The following KDELR2 variants were observed in gnomAD, a reference collection of about 807,000 sequenced individuals.
KDELR2 encodes KDEL endoplasmic reticulum protein retention receptor 2, also known as ER lumen protein-retaining receptor 2.
KDELR2 carries 15 observed loss-of-function variants against 23.9 expected under a neutral mutation model. That is an observed-to-expected ratio of 0.63 (90% CI 0.42 to 0.97). KDELR2 has a LOEUF of 0.97. Among genes scored for constraint, KDELR2 ranks in the 50% least tolerant of loss-of-function variants. KDELR2 has a pLI of 0.00. For missense variants in KDELR2, 272 were observed against 254.6 expected, an observed-to-expected ratio of 1.07 and a Z score of -0.46; for synonymous variants, 119 against 106.2, an observed-to-expected ratio of 1.12 and a Z score of -0.74.
intron 1 of KDELR2, among the ~76,000 whole-genome samples, chr7:6,482,786 T>C (rs1432166652): frequency 6.6e-6 from 1 of 150,758 alleles, no homozygotes; most frequent in Non-Finnish European, 1.5e-5. Flanking sequence ...TTTAAGAAAG[T>C]TAAAGCCTGG....
chr7:6,472,385 G>C (rs1039268768), intron 2 of KDELR2, among the ~76,000 whole-genome samples: 1 of 152,128 alleles, frequency 6.6e-6, no homozygotes, highest in African/African-American at 2.4e-5. Flanking sequence ...AAAGACACGA[G>C]CACCTCGGGT....
chr7:6,473,090 T>A (rs1433403254), intron 2 of KDELR2, among the ~76,000 whole-genome samples: 6 of 144,042 alleles, frequency 4.2e-5, no homozygotes, highest in South Asian at 2.3e-4. Flanking sequence ...GTATTTTTTT[T>A]TTTTTTTTTT....
At chr7:6,469,427 T>C (rs1339153463) in intron 3 of KDELR2, among the ~76,000 whole-genome samples, 169 bp downstream of exon 3, 1 of 152,146 alleles carries the variant, frequency 6.6e-6, no homozygotes, top group Non-Finnish European at 1.5e-5. Context: ...AGCTAATTTT[T>C]TGTATTTTTA....
chr7:6,481,136 C>T (rs368665927), intron 1 of KDELR2, among the ~76,000 whole-genome samples: 3 of 152,180 alleles, frequency 2.0e-5, no homozygotes, highest in East Asian at 1.9e-4. Flanking sequence ...TTTGTGAGGC[C>T]GAAGCGGGCG....
chr7:6,483,075 A>C (rs1471320334), intron 1 of KDELR2, among the ~76,000 whole-genome samples: 1 of 152,138 alleles, frequency 6.6e-6, no homozygotes, highest in East Asian at 1.9e-4. Flanking sequence ...TAAAAGTCCA[A>C]AACTATTATC....
At chr7:6,470,022 C>A in intron 2 of KDELR2, 1 of 289,706 alleles carries the variant, frequency 3.5e-6, no homozygotes, top group Non-Finnish European at 6.4e-6. Flanking sequence ...CTCCCCCAGG[C>A]TTCCTTCACC....
At chr7:6,465,013 G>A (rs1268683081) in intron 4 of KDELR2, among the ~76,000 whole-genome samples, 1 of 151,756 alleles carries the variant, frequency 6.6e-6, no homozygotes, top group Non-Finnish European at 1.5e-5. Flanking sequence ...TGAGATTATA[G>A]GCGTGAGCCA....
At chr7:6,467,285 C>G (rs1249144186) in intron 3 of KDELR2, among the ~76,000 whole-genome samples, 1 of 152,222 alleles carries the variant, frequency 6.6e-6, no homozygotes, top group African/African-American at 2.4e-5. Context: ...TTTTTCCTCA[C>G]TGACTGATCT....
intron 2 of KDELR2, among the ~76,000 whole-genome samples, chr7:6,473,082 ATTTTTTTTTT>A (rs1206035683): frequency 1.6e-4 from 15 of 94,860 alleles, no homozygotes; most frequent in African/African-American, 6.5e-4. Context: ...TAATTTTTGT[ATTTTTTTTTT>A]TTTTTTTTTT....
At position 6,474,214 on chromosome 7, in the gene KDELR2, T is replaced by C. The variant is rs1332234151; in HGVS notation, c.162A>G (p.Ser54=). The change falls in exon 2 of 5, where the codon TCA becomes TCG. Residue 54 remains serine, a synonymous_variant. Transcript: ENST00000258739. ...TAGATGTGTTATACAATGAAATAAA[T>C]GAAGTAAAAAGATCCAGGTAACGAG... ...FTTRYLDLFT[S]FISLYNTSMK... is the part of the protein sequence containing the mutation. The C allele has an allele frequency of 1.2e-6, 2 of 1,613,126 alleles. No individual in the cohort carries two copies. The highest frequency in any genetic ancestry group is 2.2e-5 in the East Asian group (1 of 44,886).
rs1358733569 is a variant in KDELR2 at position 6,462,354 on chromosome 7, A to C, written c.*787T>G. 6.6e-6 allele frequency: 1 copy of C among 152,524 alleles called. No homozygotes were observed. 9.4% of individuals were successfully genotyped at this position (152,524 alleles called of 1,614,324 possible). A position where few individuals can be genotyped will look rare whatever the true frequency, so the allele number is the denominator to read the frequency against. Reference sequence around the variant, plus strand: ...AGTAGATTGCTATATCCAAATGATCATGAACACCCCTCCCATCCCACACTC... The same window carrying C: ...AGTAGATTGCTATATCCAAATGATCCTGAACACCCCTCCCATCCCACACTC... On this transcript the variant is annotated 3_prime_UTR_variant, in exon 5 of 5. Transcript: ENST00000258739.
intron 2 of KDELR2, among the ~76,000 whole-genome samples, chr7:6,473,123 A>G (rs1029588571): frequency 2.6e-5 from 3 of 115,694 alleles, no homozygotes; most frequent in African/African-American, 3.5e-5. Context: ...GGGTCTAACT[A>G]TGTTGCTCAG....
intron 4 of KDELR2, among the ~76,000 whole-genome samples, chr7:6,464,689 A>T (rs1785462777): frequency 1.3e-5 from 2 of 151,756 alleles, no homozygotes; most frequent in African/African-American, 4.8e-5. Flanking sequence ...CTCGGTCTCA[A>T]AAAAAACAAA....
intron 2 of KDELR2, chr7:6,470,246 TG>T (rs1186646049): frequency 6.6e-6 from 1 of 152,336 alleles, no homozygotes; most frequent in East Asian, 1.9e-4. Context: ...GGTTCCCGGC[TG>T]GGGCCGCCAT....
intron 4 of KDELR2, among the ~76,000 whole-genome samples, chr7:6,464,539 A>G (rs1194576664): frequency 6.6e-6 from 1 of 151,818 alleles, no homozygotes; most frequent in East Asian, 1.9e-4. Context: ...AAAACAAAAC[A>G]AAATTAGCCA....
At chr7:6,465,328 C>T (rs1223293383) in intron 4 of KDELR2, among the ~76,000 whole-genome samples, 1 of 151,716 alleles carries the variant, frequency 6.6e-6, no homozygotes, top group Non-Finnish European at 1.5e-5. Context: ...GGACTACAGG[C>T]GCCCACCACC....
At chr7:6,468,967 TGA>T (rs2115325420) in intron 3 of KDELR2, among the ~76,000 whole-genome samples, 1 of 151,440 alleles carries the variant, frequency 6.6e-6, no homozygotes, top group East Asian at 2.0e-4. Flanking sequence ...TTTTTTTTTT[TGA>T]GAGACGGAGT....
chr7:6,480,262 G>C (rs1562503235), intron 1 of KDELR2, among the ~76,000 whole-genome samples: 1 of 152,196 alleles, frequency 6.6e-6, no homozygotes, highest in Non-Finnish European at 1.5e-5. Flanking sequence ...ATAACCATTG[G>C]CCTACAGGAA....
Position 6,484,119 on chromosome 7 carries a change from G to A in KDELR2, c.-62C>T. The A allele has an allele frequency of 2.5e-6, 3 of 1,221,096 alleles. No individual in the cohort carries two copies. The highest frequency in any genetic ancestry group is 3.4e-5 in the East Asian group (1 of 28,986). The allele number at this position is 1,221,096 out of a possible 1,614,324, so 75.6% of individuals were successfully genotyped here. A position where few individuals can be genotyped will look rare whatever the true frequency, so the allele number is the denominator to read the frequency against. On this transcript the variant is annotated 5_prime_UTR_variant, in exon 1 of 5. Coordinates refer to ENST00000258739, the MANE Select transcript of KDELR2 (RefSeq NM_006854.4). ...GCCCCGGGGCTGGGCGGCTCAGGAG[G>A]CGGCGGCCCCTGAGAGGAAGCGGCG...
Sources: allele counts gnomAD v4.1 joint callset (sites outside exome capture counted in the v4.1 genomes callset), GRCh38; gene constraint gnomAD v4.1.1; transcripts MANE v1.5; gene names NCBI Gene and HGNC (gene_info 2026-07-23, HGNC 2026-07-21).